Variants in SUMF1 observed in about 807,000 individuals in gnomAD.
SUMF1 encodes the protein formylglycine-generating enzyme.
Under a neutral mutation model 47.6 loss-of-function variants are expected in SUMF1, and 48 were observed. The observed-to-expected ratio is 1.01, with a 90% CI of 0.80 to 1.28. The LOEUF is 1.28. Among genes scored for constraint, SUMF1 ranks in the 50% most tolerant of loss-of-function variants. The probability of loss-of-function intolerance (pLI) is 0.00; values close to 1 mark genes in which losing one functional copy is unlikely to be tolerated. For synonymous variants in SUMF1, 230 were observed against 192.1 expected, an observed-to-expected ratio of 1.20 and a Z score of -1.63; for missense variants, 571 against 485.4, an observed-to-expected ratio of 1.18 and a Z score of -1.66.
chr3:4,313,923 A>G, intron 8 of SUMF1: 29 of 1,301,774 alleles, frequency 2.2e-5, no homozygotes, highest in Non-Finnish European at 2.9e-5. Context: ...AGAATTCTCC[A>G]TTTAACAAAA....
At chr3:4,460,167 G>T (rs910979601) in intron 1 of SUMF1, among the ~76,000 whole-genome samples, 1 of 151,964 alleles carries the variant, frequency 6.6e-6, no homozygotes, top group African/African-American at 2.4e-5. Context: ...GTAGGTTGAG[G>T]GATACAGGTA....
intron 7 of SUMF1, among the ~76,000 whole-genome samples, chr3:4,379,793 G>A (rs1700443344): frequency 7.1e-6 from 1 of 140,328 alleles, no homozygotes; most frequent in Non-Finnish European, 1.5e-5. Flanking sequence ...AGTGAGCCGA[G>A]ATCGTGCCAC....
intron 8 of SUMF1, among the ~76,000 whole-genome samples, chr3:4,195,558 G>A (rs1695409948): frequency 6.6e-6 from 1 of 152,142 alleles, no homozygotes; most frequent in South Asian, 2.1e-4. Context: ...AGAGAGAGCA[G>A]AAAGAATTTT....
chr3:4,269,416 G>A (rs1374922624), intron 8 of SUMF1, among the ~76,000 whole-genome samples: 3 of 152,108 alleles, frequency 2.0e-5, no homozygotes. Flanking sequence ...GCCTATAATA[G>A]CATTCCAATT....
chr3:4,156,456 A>G (rs2587911), intron 8 of SUMF1, among the ~76,000 whole-genome samples: 51,974 of 151,146 alleles, frequency 0.34, 9,542 homozygotes, highest in East Asian at 0.4. Context: ...TATATCTTCA[A>G]TGTATAAAAC....
chr3:4,367,913 G>A (rs1016435047), intron 8 of SUMF1, among the ~76,000 whole-genome samples: 20 of 151,814 alleles, frequency 1.3e-4, no homozygotes, highest in Non-Finnish European at 2.8e-4. Context: ...TACCATTCAG[G>A]ACATAGGCAT....
chr3:4,343,724 C>T (rs370442629), intron 8 of SUMF1, among the ~76,000 whole-genome samples: 12 of 152,306 alleles, frequency 7.9e-5, no homozygotes, highest in Admixed American at 2.6e-4. Context: ...TAAACTAGTA[C>T]GACCTTTTTG....
intron 8 of SUMF1, among the ~76,000 whole-genome samples, chr3:4,132,357 T>G (rs1693812540): frequency 6.6e-6 from 1 of 152,092 alleles, no homozygotes; most frequent in Admixed American, 6.6e-5. Context: ...AGCAGCTAGA[T>G]TGATAGAACA....
chr3:4,118,585 T>C (rs1466577447), intron 8 of SUMF1, among the ~76,000 whole-genome samples: 1 of 152,166 alleles, frequency 6.6e-6, no homozygotes, highest in Non-Finnish European at 1.5e-5. Context: ...TTATACTTAT[T>C]GTATCCACTT....
intron 8 of SUMF1, among the ~76,000 whole-genome samples, chr3:4,138,956 A>G (rs1007481911): frequency 2.6e-5 from 4 of 152,104 alleles, no homozygotes; most frequent in Non-Finnish European, 5.9e-5. Context: ...ATAGTATGGT[A>G]ATGAGCATTT....
intron 8 of SUMF1, among the ~76,000 whole-genome samples, chr3:4,333,320 T>C (rs995536941): frequency 1.3e-5 from 2 of 152,146 alleles, no homozygotes; most frequent in Non-Finnish European, 2.9e-5. Context: ...CCCCCTCCCA[T>C]AAGGGGGCTT....
At chr3:4,035,750 A>G (rs1694781501) in intron 9 of SUMF1, among the ~76,000 whole-genome samples, 1 of 152,114 alleles carries the variant, frequency 6.6e-6, no homozygotes. Flanking sequence ...GATAATAAAT[A>G]TTTTGTAGGG....
At chr3:4,442,369 C>CCTCAGCCTCTCCTGA (rs1217333861) in intron 3 of SUMF1, among the ~76,000 whole-genome samples, 1 of 151,710 alleles carries the variant, frequency 6.6e-6, no homozygotes, top group Non-Finnish European at 1.5e-5. Flanking sequence ...CATTCTCCTG[C>CCTCAGCCTCTCCTGA]CTCAGCCTCC....
At chr3:4,138,748 T>C (rs1694003579) in intron 8 of SUMF1, among the ~76,000 whole-genome samples, 1 of 152,136 alleles carries the variant, frequency 6.6e-6, no homozygotes, top group East Asian at 1.9e-4. Flanking sequence ...TTCTAATTTA[T>C]ACCTTTTTGC....
chr3:4,437,053 A>G (rs1397424538), intron 3 of SUMF1, among the ~76,000 whole-genome samples: 1 of 152,198 alleles, frequency 6.6e-6, no homozygotes, highest in African/African-American at 2.4e-5. Context: ...AAATAACAAG[A>G]AAGTTTACTA....
At chr3:4,287,343 T>G (rs373607053) in intron 8 of SUMF1, among the ~76,000 whole-genome samples, 1 of 151,870 alleles carries the variant, frequency 6.6e-6, no homozygotes, top group African/African-American at 2.4e-5. Flanking sequence ...CAGTAAAGAT[T>G]CAAAAAACTT....
intron 8 of SUMF1, among the ~76,000 whole-genome samples, chr3:4,368,906 A>G (rs1205611433): frequency 6.6e-6 from 1 of 152,228 alleles, no homozygotes; most frequent in Non-Finnish European, 1.5e-5. Context: ...CCATGAGCAT[A>G]AACTCTGAGT....
chr3:4,241,845 T>G (rs1199117240), intron 8 of SUMF1, among the ~76,000 whole-genome samples: 1 of 152,108 alleles, frequency 6.6e-6, no homozygotes, highest in Non-Finnish European at 1.5e-5. Context: ...ATATACAGGC[T>G]TGAGGAGGCA....
At chr3:4,177,839 T>C (rs1317002923) in intron 8 of SUMF1, among the ~76,000 whole-genome samples, 3 of 151,790 alleles carry the variant, frequency 2.0e-5, no homozygotes, top group Admixed American at 1.3e-4. Flanking sequence ...ATAGATGAAA[T>C]AAAAAATGAT....
Sources: gnomAD v4.1 joint callset for allele counts (sites outside exome capture counted in the v4.1 genomes callset) on GRCh38, gnomAD v4.1.1 for gene constraint, MANE v1.5 for transcripts, NCBI Gene and HGNC (gene_info 2026-07-23, HGNC 2026-07-21) for gene names.